The following GRIN2B variants were observed in gnomAD, a reference collection of about 807,000 sequenced individuals.
GRIN2B encodes the protein glutamate receptor ionotropic, NMDA 2B.
A neutral mutation model predicts 114.5 loss-of-function variants in GRIN2B; 5 were observed. The ratio of observed to expected loss-of-function variants is 0.04; its 90% CI spans 0.02 to 0.09. GRIN2B has a LOEUF of 0.09. GRIN2B is among the 10% of genes least tolerant of loss of function. The pLI, the probability that GRIN2B is intolerant of heterozygous loss-of-function variation, is 1.00. For synonymous variants in GRIN2B, 787 were observed against 745.1 expected (o/e 1.06, Z -0.92); for missense variants, 1,108 against 1,943.5 (o/e 0.57, Z 8.08).
In GRIN2B at chr12:13,603,437, A is replaced by G. The variant is rs1949191730; in HGVS notation, c.2010+5166T>C. Reference sequence around the variant, plus strand: ...TGTTCAGGGGCTATAGTGAGCCAGGAACACCATAAGGGCAAATTATTTAAC... The same window carrying G: ...TGTTCAGGGGCTATAGTGAGCCAGGGACACCATAAGGGCAAATTATTTAAC... On this transcript the variant is annotated intron_variant, in intron 10 of 13. Coordinates refer to ENST00000609686, the MANE Select transcript of GRIN2B (RefSeq NM_000834.5). 2.6e-5 allele frequency among the ~76,000 whole-genome samples: 4 copies of G among 152,240 alleles called. No homozygotes were observed. In the South Asian group the frequency reaches 8.3e-4, roughly 32 times the overall value.
rs1199004829 is a variant in GRIN2B, at chr12:13,548,109, C to T, written c.*14674G>A. 1.3e-5 allele frequency: 2 copies of T among 151,096 alleles called. No individual in the cohort carries two copies. Among genetic ancestry groups the T allele is most frequent in the East Asian group, 1.9e-4 (1 of 5,142 alleles). 9.4% of individuals were successfully genotyped at this position (151,096 alleles called of 1,614,324 possible). On this transcript the variant is annotated 3_prime_UTR_variant, in exon 14 of 14. Transcript: ENST00000609686. ...AACCATCAGAGGAATTACATTCCAC[C>T]CCTAGGCTCAGTGGGAAAGAGTTTA...
At chr12:13,675,055 G>A (rs1950059581) in intron 5 of GRIN2B, among the ~76,000 whole-genome samples, 2 of 152,138 alleles carry the variant, frequency 1.3e-5, no homozygotes, top group South Asian at 2.1e-4. Flanking sequence ...ATAAAAAATT[G>A]TAATACTAAT....
At chr12:13,886,578 G>C (rs1159661168) in intron 2 of GRIN2B, among the ~76,000 whole-genome samples, 1 of 152,088 alleles carries the variant, frequency 6.6e-6, no homozygotes, top group East Asian at 1.9e-4. Flanking sequence ...AACAGAAATG[G>C]CACCATCTGA....
chr12:13,559,535 T>C lies in GRIN2B; in HGVS notation c.*3248A>G, dbSNP rs1264241245. ...GGACAAGGCAAATAAAGAGCCGCTA[T>C]TGGCACCATTGCTCACATACCCACC... On this transcript the variant is annotated 3_prime_UTR_variant, in exon 14 of 14. Coordinates refer to ENST00000609686, the MANE Select transcript of GRIN2B (RefSeq NM_000834.5). The C allele has an allele frequency of 2.0e-5, 3 of 152,218 alleles. No individual in the cohort carries two copies. The highest frequency in any genetic ancestry group is 4.4e-5 in the Non-Finnish European group (3 of 68,036). The allele number at this position is 152,218 out of a possible 1,614,324, so 9.4% of individuals were successfully genotyped here. A position where few individuals can be genotyped will look rare whatever the true frequency, so the allele number is the denominator to read the frequency against.
intron 2 of GRIN2B, among the ~76,000 whole-genome samples, chr12:13,926,853 T>C (rs1038512386): frequency 7.3e-5 from 11 of 151,608 alleles, no homozygotes; most frequent in African/African-American, 2.7e-4. Context: ...CTTAGGAGGC[T>C]GAGGCAGGAG....
intron 2 of GRIN2B, among the ~76,000 whole-genome samples, chr12:13,919,340 C>G (rs1866786113): frequency 6.6e-6 from 1 of 152,164 alleles, no homozygotes; most frequent in South Asian, 2.1e-4. Context: ...TTAAAAACTC[C>G]TATTCTTCAA....
chr12:13,940,682 A>C (rs892012138), intron 2 of GRIN2B, among the ~76,000 whole-genome samples: 10 of 152,172 alleles, frequency 6.6e-5, no homozygotes, highest in Admixed American at 4.6e-4. Flanking sequence ...GAAATCATTA[A>C]ACACTCAACC....
At chr12:13,696,991 A>C (rs969945559) in intron 4 of GRIN2B, among the ~76,000 whole-genome samples, 11 of 152,102 alleles carry the variant, frequency 7.2e-5, no homozygotes, top group African/African-American at 2.7e-4. Context: ...AAAATGACCA[A>C]AACCCAGCAG....
intron 3 of GRIN2B, among the ~76,000 whole-genome samples, chr12:13,816,748 A>G (rs529495884): frequency 2.0e-5 from 3 of 152,310 alleles, no homozygotes; most frequent in Admixed American, 1.3e-4. Flanking sequence ...GATAATATAC[A>G]TTATATGTGT....
chr12:13,924,149 C>T (rs149556102), intron 2 of GRIN2B, among the ~76,000 whole-genome samples: 64 of 152,196 alleles, frequency 4.2e-4, no homozygotes, highest in African/African-American at 1.2e-3. Flanking sequence ...TTTAAAAAGA[C>T]CCGAGGCATA....
chr12:13,869,231 CTTTT>C (rs1158566763), intron 2 of GRIN2B, among the ~76,000 whole-genome samples: 6 of 126,042 alleles, frequency 4.8e-5, no homozygotes, highest in African/African-American at 1.8e-4. Flanking sequence ...TTTTCTTTTT[CTTTT>C]TTTTTCTTTT....
At chr12:13,947,992 A>G (rs1438505747) in intron 2 of GRIN2B, among the ~76,000 whole-genome samples, 1 of 152,166 alleles carries the variant, frequency 6.6e-6, no homozygotes, top group African/African-American at 2.4e-5. Context: ...ATAAGAAAAC[A>G]ATGGCAAAGG....
At chr12:13,579,013 C>T (rs1948811223) in intron 10 of GRIN2B, among the ~76,000 whole-genome samples, 1 of 151,754 alleles carries the variant, frequency 6.6e-6, no homozygotes, top group Non-Finnish European at 1.5e-5. Flanking sequence ...GCCCATGCAG[C>T]AGTGAGAGAA....
chr12:13,890,875 C>T (rs1866248841), intron 2 of GRIN2B, among the ~76,000 whole-genome samples: 1 of 152,114 alleles, frequency 6.6e-6, no homozygotes. Flanking sequence ...CAGGTAGTGC[C>T]CTGGGTATCA....
intron 2 of GRIN2B, among the ~76,000 whole-genome samples, chr12:13,898,187 T>G (rs1365878789): frequency 6.6e-6 from 1 of 152,024 alleles, no homozygotes; most frequent in Non-Finnish European, 1.5e-5. Flanking sequence ...AGGCTGCAAA[T>G]GGGAACTATT....
At chr12:13,619,219 C>A (rs530587299) in intron 5 of GRIN2B, among the ~76,000 whole-genome samples, 1 of 152,270 alleles carries the variant, frequency 6.6e-6, no homozygotes, top group South Asian at 2.1e-4. Flanking sequence ...CTGAACCAAA[C>A]TGAATGAAAT....
chr12:13,893,141 G>A (rs1866291575), intron 2 of GRIN2B, among the ~76,000 whole-genome samples: 1 of 152,112 alleles, frequency 6.6e-6, no homozygotes, highest in African/African-American at 2.4e-5. Flanking sequence ...TGATTAAATT[G>A]TTTTGAACAG....
rs569022657 is a variant in GRIN2B, at chr12:13,938,140, G to A, written c.-19+41788C>T. Among the ~76,000 whole-genome samples, 3 of 151,974 alleles carry A rather than the reference G, an allele frequency of 2.0e-5. No homozygotes were observed. The South Asian group carries it at 6.2e-4, about 32-fold the overall frequency. On this transcript the variant is annotated intron_variant, in intron 2 of 13. Coordinates refer to ENST00000609686, the MANE Select transcript of GRIN2B (RefSeq NM_000834.5). The stretch of plus-strand genomic sequence containing the variant: ...TATTTTATTTACCCCAAAGAAGGCG[G>A]GAAAGAAGAAACAGAGAAGCAATGA...
intron 3 of GRIN2B, among the ~76,000 whole-genome samples, chr12:13,815,258 G>A (rs1180622800): frequency 6.6e-6 from 1 of 152,012 alleles, no homozygotes; most frequent in African/African-American, 2.4e-5. Context: ...CAATACTCAG[G>A]GTACTTTTCC....
Sources: allele counts gnomAD v4.1 joint callset (sites outside exome capture counted in the v4.1 genomes callset), GRCh38; gene constraint gnomAD v4.1.1; transcripts MANE v1.5; gene names NCBI Gene and HGNC (gene_info 2026-07-23, HGNC 2026-07-21).